Variants in DEF6 observed in about 807,000 individuals in gnomAD.
The protein encoded by DEF6 is DEF6 guanine nucleotide exchange factor.
DEF6 carries 32 observed loss-of-function variants against 80.5 expected under a neutral mutation model. The observed-to-expected ratio is 0.40, with a 90% CI of 0.30 to 0.53. DEF6 has a LOEUF of 0.53. Ranked by LOEUF, DEF6 falls within the 20% of genes least tolerant of loss-of-function variation. DEF6 has a pLI of 0.57. For missense variants in DEF6, 575 were observed against 818.7 expected (o/e 0.70, Z 3.63); for synonymous variants, 300 against 337.9 (o/e 0.89, Z 1.23).
intron 1 of DEF6, among the ~76,000 whole-genome samples, chr6:35,306,031 T>C (rs1791385108): frequency 6.6e-6 from 1 of 151,856 alleles, no homozygotes. Context: ...TAGCTGGGAT[T>C]ATAGGCGCCT....
In DEF6 at chr6:35,297,929, A is replaced by G; in HGVS notation, c.73A>G (p.Lys25Glu). The change falls in exon 1 of 11, where the codon AAA (lysine) becomes GAA (glutamate). Residue 25 changes from lysine to glutamate, a missense_variant. Physicochemically the swap from Lys to Glu is moderately conservative, Grantham distance 56 (BLOSUM62 1). Transcript: ENST00000316637. Reference sequence around the variant, plus strand: ...CGCGCTGGACGTGGAGAAGAGTGGCAAAGTCTCCAAGTCCCAGCTCAAGGT... The same window carrying G: ...CGCGCTGGACGTGGAGAAGAGTGGCGAAGTCTCCAAGTCCCAGCTCAAGGT... ...FTALDVEKSG[K>E]VSKSQLKVLS... 6.2e-7 allele frequency: 1 copy of G among 1,604,992 alleles called. No individual in the cohort carries two copies. Among genetic ancestry groups the G allele is most frequent in the Non-Finnish European group, 8.5e-7 (1 of 1,176,390 alleles).
intron 1 of DEF6, among the ~76,000 whole-genome samples, chr6:35,308,712 TA>T (rs776175275): frequency 1.0e-4 from 14 of 135,380 alleles, no homozygotes; most frequent in African/African-American, 1.5e-4. Context: ...TAAAATAAAA[TA>T]AAATAAAATA....
chr6:35,310,327 C>T, intron 2 of DEF6, 132 bp from the exon 3 acceptor site: 1 of 880,584 alleles, frequency 1.1e-6, no homozygotes, highest in Non-Finnish European at 1.8e-6. Flanking sequence ...GCTCAGGGAT[C>T]CCTTGAGTTA....
chr6:35,318,275 G>A lies in DEF6; in HGVS notation c.1019G>A (p.Arg340Gln). The A allele has an allele frequency of 6.4e-7, 1 of 1,567,322 alleles. No homozygotes were observed. The highest frequency in any genetic ancestry group is 8.6e-7 in the Non-Finnish European group (1 of 1,157,804). Residue 340 changes from arginine to glutamine, a missense_variant, in exon 7 of 11, where the codon CGG becomes CAG. Transcript: ENST00000316637. The surrounding 1 kb of genome is among the most constrained non-coding windows in gnomAD (Gnocchi z 5.1). ...REQREQRERRRAAKEEELLRL... is the reference protein window; with the variant it reads ...REQREQRERRQAAKEEELLRL... Reference sequence around the variant, plus strand: ...CAGCGGGAGCAGCGGGAGCGGCGCCGGGCGGCCAAGGAAGAGGAGCTGCTG... The same window carrying A: ...CAGCGGGAGCAGCGGGAGCGGCGCCAGGCGGCCAAGGAAGAGGAGCTGCTG...
chr6:35,299,942 CGAG>C (rs113728022), intron 1 of DEF6, among the ~76,000 whole-genome samples: 1,949 of 152,196 alleles, frequency 0.013, 14 homozygotes, highest in African/African-American at 0.022. Context: ...AGGAAGCAGA[CGAG>C]AGAGTTATAC....
At chr6:35,299,051 A>G (rs1312796276) in intron 1 of DEF6, among the ~76,000 whole-genome samples, 1 of 152,082 alleles carries the variant, frequency 6.6e-6, no homozygotes, top group African/African-American at 2.4e-5. Context: ...CCCCTACTTT[A>G]CTGAACTTGG....
In DEF6 at chr6:35,312,347, G is replaced by A. The variant is rs982188920; in HGVS notation, c.469G>A (p.Val157Met). 9 of 1,614,070 alleles carry A rather than the reference G, an allele frequency of 5.6e-6. No homozygotes were observed. The African/African-American group carries it at 1.2e-4, about 22-fold the overall frequency. The change falls in exon 4 of 11, where the codon GTG (valine) becomes ATG (methionine). Residue 157 changes from valine to methionine, a missense_variant. Physicochemically the swap from Val to Met is conservative, Grantham distance 21 (BLOSUM62 1). Coordinates refer to ENST00000316637, the MANE Select transcript of DEF6 (RefSeq NM_022047.4). The surrounding 1 kb of genome is among the most constrained non-coding windows in gnomAD (Gnocchi z 6.6). ...KKVLSSMSLE[V>M]SLGELEELLA... ...GGTACTCAGCAGCATGAGCTTGGAG[G>A]TGAGCTTGGGTGAGCTGGAGGAGCT...
chr6:35,301,121 G>T (rs2150384508), intron 1 of DEF6, among the ~76,000 whole-genome samples: 1 of 152,316 alleles, frequency 6.6e-6, no homozygotes, highest in African/African-American at 2.4e-5. Context: ...GGAGCCCAGA[G>T]TGAGACTCTT....
At chr6:35,313,290 A>T (rs1415617847) in intron 5 of DEF6, 4 of 425,628 alleles carry the variant, frequency 9.4e-6, no homozygotes, top group Non-Finnish European at 1.8e-5. Flanking sequence ...TAACTATTTT[A>T]AGCGTACAAT....
chr6:35,298,392 T>C (rs1457559290), intron 1 of DEF6, among the ~76,000 whole-genome samples: 6 of 152,052 alleles, frequency 3.9e-5, no homozygotes, highest in African/African-American at 1.4e-4. Flanking sequence ...CCTCTGGAGC[T>C]GAGAGAGGCA....
Position 35,320,880 on chromosome 6 carries a change from AC to A in DEF6, c.1582-3del. ...ATCACTCCCCACTGGCCCTGTCCCC[AC>A]AGGCTGCCCAGAGAAAACTGCGCCA... On this transcript the variant is annotated splice_polypyrimidine_tract_variant and splice_region_variant and intron_variant, in intron 9 of 10. Transcript: ENST00000316637. 6 of 1,605,298 alleles carry A rather than the reference AC, an allele frequency of 3.7e-6. No homozygotes were observed. Among genetic ancestry groups the A allele is most frequent in the Non-Finnish European group, 5.1e-6 (6 of 1,175,082 alleles).
In DEF6 at chr6:35,297,938, A is replaced by G. The variant is rs1791259661; in HGVS notation, c.82A>G (p.Lys28Glu). The change falls in exon 1 of 11, where the codon AAG becomes GAG. Residue 28 changes from lysine to glutamate, a missense_variant. Transcript: ENST00000316637. Reference protein sequence around the residue: ...LDVEKSGKVSKSQLKVLSHNL... With the variant: ...LDVEKSGKVSESQLKVLSHNL... ...CGTGGAGAAGAGTGGCAAAGTCTCC[A>G]AGTCCCAGCTCAAGGTGAGGGGCAC... 6.2e-7 allele frequency: 1 copy of G among 1,601,912 alleles called. No homozygotes were observed. Among genetic ancestry groups the G allele is most frequent in the African/African-American group, 1.3e-5 (1 of 74,862 alleles).
chr6:35,306,772 CTGTT>C (rs138605119), intron 1 of DEF6, among the ~76,000 whole-genome samples: 1 of 152,334 alleles, frequency 6.6e-6, no homozygotes, highest in East Asian at 1.9e-4. Flanking sequence ...CTTTCAATGT[CTGTT>C]CATATAAACA....
At chr6:35,304,706 A>G (rs1222181137) in intron 1 of DEF6, among the ~76,000 whole-genome samples, 1 of 152,082 alleles carries the variant, frequency 6.6e-6, no homozygotes, top group East Asian at 1.9e-4. Flanking sequence ...TGAATGGGGG[A>G]CATTATACTA....
chr6:35,317,617 G>A (rs1335090054), intron 5 of DEF6: 2 of 370,906 alleles, frequency 5.4e-6, no homozygotes, highest in Non-Finnish European at 9.9e-6. Flanking sequence ...AGCGTGATCT[G>A]CATAAACACT....
Position 35,314,477 on chromosome 6 carries a change from A to G in DEF6, c.807+1705A>G, listed in dbSNP as rs992455296. 2.7e-5 allele frequency among the ~76,000 whole-genome samples: 4 copies of G among 150,266 alleles called. No homozygotes were observed. The South Asian group carries it at 8.4e-4, about 32-fold the overall frequency. On this transcript the variant is annotated intron_variant, in intron 5 of 10. Coordinates refer to ENST00000316637, the MANE Select transcript of DEF6 (RefSeq NM_022047.4). ...AAGCCATTTTAACTGGGATGAAATG[A>G]TATCTCATTTAATTTTGATTTGCTT...
rs6917127 is a variant in DEF6 at position 35,321,376 on chromosome 6, A to C, written c.1862A>C (p.Gln621Pro). Residue 621 changes from glutamine to proline, a missense_variant, in exon 11 of 11, where the codon CAG (glutamine) becomes CCG (proline). Coordinates refer to ENST00000316637, the MANE Select transcript of DEF6 (RefSeq NM_022047.4). Reference sequence around the variant, plus strand: ...GCTCCTGCCCCGGCTTCCACCCCTCAGGAAGATAAACTGGATCCAGCACCA... The same window carrying C: ...GCTCCTGCCCCGGCTTCCACCCCTCCGGAAGATAAACTGGATCCAGCACCA... Reference protein sequence around the residue: ...DEAPAPASTPQEDKLDPAPEN With the variant: ...DEAPAPASTPPEDKLDPAPEN The C allele has an allele frequency of 2.6e-3, 4,275 of 1,613,996 alleles. 89 individuals are homozygous for C. In the African/African-American group the frequency reaches 0.047, roughly 18 times the overall value.
At chr6:35,306,888 A>T (rs1791399120) in intron 1 of DEF6, among the ~76,000 whole-genome samples, 2 of 152,244 alleles carry the variant, frequency 1.3e-5, no homozygotes, top group African/African-American at 2.4e-5. Flanking sequence ...ATCCTCACAG[A>T]GGAGGAGACT....
At chr6:35,305,144 G>C (rs912184992) in intron 1 of DEF6, among the ~76,000 whole-genome samples, 34 of 147,452 alleles carry the variant, frequency 2.3e-4, no homozygotes, top group African/African-American at 7.7e-4. Context: ...TGAAAAAAAA[G>C]AATTTTTTTT....
Sources: gnomAD v4.1 joint callset for allele counts (sites outside exome capture counted in the v4.1 genomes callset) on GRCh38, gnomAD v4.1.1 for gene constraint, Gnocchi (gnomAD v3.1) non-coding constraint, MANE v1.5 for transcripts, NCBI Gene and HGNC (gene_info 2026-07-23, HGNC 2026-07-21) for gene names.